Variants in RELN observed in about 807,000 individuals in gnomAD.
RELN encodes reelin.
A neutral mutation model predicts 427.6 loss-of-function variants in RELN; 108 were observed. The observed-to-expected ratio is 0.25, with a 90% CI of 0.22 to 0.30. The LOEUF is 0.30. Ranked by LOEUF, RELN falls within the 10% of genes least tolerant of loss-of-function variation. RELN has a pLI of 1.00. For missense variants in RELN, 3,715 were observed against 4,302.8 expected (o/e 0.86, Z 3.82); for synonymous variants, 1,524 against 1,513.4 (o/e 1.01, Z -0.16).
At chr7:103,495,199 A>G (rs1828802036) in intron 57 of RELN, among the ~76,000 whole-genome samples, 1 of 136,006 alleles carries the variant, frequency 7.4e-6, no homozygotes, top group Non-Finnish European at 1.6e-5. Flanking sequence ...TTTTTTTGAG[A>G]CAGAATCTCG....
Position 103,490,707 on chromosome 7 carries a change from T to G in RELN, c.9566A>C (p.Lys3189Thr). 1 of 1,614,198 alleles carries G rather than the reference T, an allele frequency of 6.2e-7. No homozygotes were observed. The highest frequency in any genetic ancestry group is 8.5e-7 in the Non-Finnish European group (1 of 1,180,040). ...GTCAGGCAGCTGGATGGTGATTCTT[T>G]TCCAGCTTGAGCTGTTGACAGAGTT... Reference protein sequence around the residue: ...IYNSVNSSSWKRITIQLPDHV... With the variant: ...IYNSVNSSSWTRITIQLPDHV... Residue 3189 changes from lysine (K) to threonine (T), a missense_variant, in exon 59 of 65, where the codon AAA (lysine) becomes ACA (threonine). Around this residue, in one of 4 missense-constraint regions of RELN, gnomAD observed 1,310 missense variants for 1,643.0 expected, o/e 0.80. Coordinates refer to ENST00000428762, the MANE Select transcript of RELN (RefSeq NM_005045.4).
chr7:103,740,922 G>A (rs999623543), intron 6 of RELN, among the ~76,000 whole-genome samples: 5 of 152,154 alleles, frequency 3.3e-5, no homozygotes, highest in African/African-American at 1.2e-4. Flanking sequence ...TTATTTGGTG[G>A]TGTATTCAGT....
chr7:103,630,674 C>T (rs3025967), intron 19 of RELN, among the ~76,000 whole-genome samples: 18,417 of 152,116 alleles, frequency 0.12, 1,210 homozygotes, highest in South Asian at 0.17. Context: ...TTAATTGCCA[C>T]TGCAATGACA....
chr7:103,817,011 C>G (rs899606973), intron 3 of RELN, among the ~76,000 whole-genome samples: 5 of 152,038 alleles, frequency 3.3e-5, no homozygotes, highest in African/African-American at 1.2e-4. Context: ...ACCACCATGC[C>G]TCGCTGATTT....
chr7:103,731,317 A>C (rs1226426791), intron 6 of RELN, among the ~76,000 whole-genome samples: 1 of 152,126 alleles, frequency 6.6e-6, no homozygotes, highest in African/African-American at 2.4e-5. Flanking sequence ...CTGTTAGTTC[A>C]GTGGGTCAGT....
intron 27 of RELN, among the ~76,000 whole-genome samples, chr7:103,591,949 A>G (rs533456172): frequency 1.2e-4 from 18 of 152,176 alleles, no homozygotes; most frequent in Admixed American, 3.3e-4. Flanking sequence ...AAATAAAACA[A>G]AAGAAAATAA....
intron 7 of RELN, among the ~76,000 whole-genome samples, chr7:103,726,922 T>G (rs900386868): frequency 6.6e-6 from 1 of 152,160 alleles, no homozygotes; most frequent in Admixed American, 6.6e-5. Flanking sequence ...GCACCTACTA[T>G]TTTAATTTGC....
intron 4 of RELN, among the ~76,000 whole-genome samples, chr7:103,766,237 C>T (rs1187660631): frequency 6.6e-6 from 1 of 152,118 alleles, no homozygotes; most frequent in Non-Finnish European, 1.5e-5. Context: ...GGAGCTGTAA[C>T]CACTAAAATA....
At chr7:103,893,793 T>A (rs1013967594) in intron 2 of RELN, among the ~76,000 whole-genome samples, 1 of 152,138 alleles carries the variant, frequency 6.6e-6, no homozygotes, top group African/African-American at 2.4e-5. Context: ...TGTTTAAACA[T>A]TAACTGCAGA....
intron 11 of RELN, among the ~76,000 whole-genome samples, chr7:103,672,070 T>C (rs1429207344): frequency 1.3e-5 from 2 of 152,104 alleles, no homozygotes; most frequent in Non-Finnish European, 2.9e-5. Flanking sequence ...AGGGGATAAT[T>C]TGTGGAAAAT....
intron 4 of RELN, among the ~76,000 whole-genome samples, chr7:103,773,368 TCCCTCCCTCC>T (rs1180072947): frequency 2.5e-5 from 1 of 40,428 alleles, no homozygotes; most frequent in Non-Finnish European, 4.1e-5. Context: ...TCTCTCTCTC[TCCCTCCCTCC>T]CTCCCTCCCT....
In RELN at chr7:103,498,067, A is replaced by G. The variant is rs747781226; in HGVS notation, c.8843+10T>C. 2 of 1,613,964 alleles carry G rather than the reference A, an allele frequency of 1.2e-6. No individual in the cohort carries two copies. Among genetic ancestry groups the G allele is most frequent in the Non-Finnish European group, 8.5e-7 (1 of 1,179,848 alleles). ...GTGCAATAGAAATAACTAACAAAAA[A>G]TTCACTTACTTTGCACCTCGAAGAT... On this transcript the variant is annotated intron_variant, in intron 54 of 64. Transcript: ENST00000428762.
chr7:103,749,788 C>T (rs904640062), intron 5 of RELN, among the ~76,000 whole-genome samples: 3 of 152,324 alleles, frequency 2.0e-5, no homozygotes, highest in Admixed American at 2.0e-4. Flanking sequence ...CAGCACCAAC[C>T]TACAAGGAGA....
At chr7:103,562,042 C>G (rs1830656668) in intron 34 of RELN, 89 bp from the exon 35 acceptor site, 1 of 1,464,404 alleles carries the variant, frequency 6.8e-7, no homozygotes, top group Non-Finnish European at 9.3e-7. Context: ...TCCCTTTTCT[C>G]TTTAAAGTGC....
intron 3 of RELN, among the ~76,000 whole-genome samples, chr7:103,794,588 G>T (rs1792251730): frequency 6.6e-6 from 1 of 152,112 alleles, no homozygotes; most frequent in Non-Finnish European, 1.5e-5. Context: ...ACTGAAGTAG[G>T]ATTCTCCCAT....
At chr7:103,902,245 G>C (rs978774942) in intron 2 of RELN, among the ~76,000 whole-genome samples, 1 of 152,092 alleles carries the variant, frequency 6.6e-6, no homozygotes, top group East Asian at 1.9e-4. Flanking sequence ...TCTCTTATTA[G>C]TAACAGATTT....
At chr7:103,546,183 A>G (rs1335435661) in intron 41 of RELN, among the ~76,000 whole-genome samples, 13 of 152,168 alleles carry the variant, frequency 8.5e-5, no homozygotes, top group Non-Finnish European at 1.5e-5. Context: ...GACAACCACC[A>G]ATCATTTCTG....
intron 48 of RELN, among the ~76,000 whole-genome samples, chr7:103,520,288 GATT>G (rs1044233862): frequency 6.6e-6 from 1 of 152,014 alleles, no homozygotes; most frequent in Non-Finnish European, 1.5e-5. Context: ...ATTTTATTAT[GATT>G]ATTATTATTT....
chr7:103,898,539 A>G lies in RELN; in HGVS notation c.337+18536T>C, dbSNP rs185084130. Among the ~76,000 whole-genome samples the G allele has an allele frequency of 3.1e-3, 477 of 152,154 alleles. 3 individuals are homozygous for G. The highest frequency in any genetic ancestry group is 0.011 in the African/African-American group (459 of 41,530). ...GTCAAATTGGTTTCAGGATAACTAA[A>G]CCAATATACACTAAAAACAACAATA... On this transcript the variant is annotated intron_variant, in intron 2 of 64. Coordinates refer to ENST00000428762, the MANE Select transcript of RELN (RefSeq NM_005045.4).
Sources: allele counts gnomAD v4.1 joint callset (sites outside exome capture counted in the v4.1 genomes callset), GRCh38; gene constraint gnomAD v4.1.1; regional missense constraint gnomAD v4.1.1; transcripts MANE v1.5; gene names NCBI Gene and HGNC (gene_info 2026-07-23, HGNC 2026-07-21).